NECAB1: variants seen among roughly 807,000 people sequenced by gnomAD.
NECAB1 encodes the protein N-terminal EF-hand calcium-binding protein 1.
NECAB1 carries 29 observed loss-of-function variants against 57.5 expected under a neutral mutation model. The ratio of observed to expected loss-of-function variants is 0.50; its 90% CI spans 0.38 to 0.69. NECAB1 has a LOEUF of 0.69. NECAB1 is among the 30% of genes least tolerant of loss of function. The pLI, the probability that NECAB1 is intolerant of heterozygous loss-of-function variation, is 0.00. For missense variants in NECAB1, 372 were observed against 413.8 expected (o/e 0.90, Z 0.88); for synonymous variants, 142 against 147.7 (o/e 0.96, Z 0.28).
chr8:90,901,151 A>G (rs1309515978), intron 5 of NECAB1, among the ~76,000 whole-genome samples: 1 of 152,058 alleles, frequency 6.6e-6, no homozygotes, highest in African/African-American at 2.4e-5. Flanking sequence ...ATTCCAGCAT[A>G]GGCTTTGATA....
intron 12 of NECAB1, among the ~76,000 whole-genome samples, chr8:90,953,151 T>A (rs116667119): frequency 1.1e-3 from 169 of 152,294 alleles, no homozygotes; most frequent in Middle Eastern, 6.8e-3. Flanking sequence ...ATTAGTGTCT[T>A]GAGTCTTTCC....
intron 1 of NECAB1, among the ~76,000 whole-genome samples, chr8:90,794,165 T>C (rs1005258581): frequency 2.6e-5 from 4 of 152,332 alleles, no homozygotes; most frequent in East Asian, 1.9e-4. Flanking sequence ...ACACTTTTCT[T>C]TGAGTTATTT....
At chr8:90,801,647 T>A in intron 1 of NECAB1, 44 bp from the exon 2 acceptor site, 1 of 1,341,890 alleles carries the variant, frequency 7.5e-7, no homozygotes, top group Non-Finnish European at 1.0e-6. Context: ...CGTTGCAATA[T>A]TTATCTAAAA....
intron 10 of NECAB1, among the ~76,000 whole-genome samples, chr8:90,942,568 C>T (rs562992327): frequency 1.6e-4 from 25 of 152,290 alleles, no homozygotes; most frequent in African/African-American, 6.0e-4. Flanking sequence ...TTTAAGAGCC[C>T]ACTCATTTGA....
chr8:90,956,464 TTTTCGA>T lies in NECAB1; in HGVS notation c.*953_*958del. ...GAAAGTATTAGACAGAAGACATCTG[TTTTCGA>T]ATTTCAACACTAGAATGACTAAAAC... On this transcript the variant is annotated 3_prime_UTR_variant, in exon 13 of 13. Coordinates refer to ENST00000417640, the MANE Select transcript of NECAB1 (RefSeq NM_022351.5). 6.6e-6 allele frequency: 1 copy of T among 151,904 alleles called. No homozygotes were observed. The highest frequency in any genetic ancestry group is 6.6e-5 in the Admixed American group (1 of 15,234). 9.4% of individuals were successfully genotyped at this position (151,904 alleles called of 1,614,324 possible).
intron 3 of NECAB1, among the ~76,000 whole-genome samples, chr8:90,856,768 CCAGAGTGCTGACAAAGTG>C (rs1318224127): frequency 6.6e-6 from 1 of 152,168 alleles, no homozygotes; most frequent in African/African-American, 2.4e-5. Context: ...ATACTTTGAC[CCAGAGTGCTGACAAAGTG>C]CAGCACTTGC....
At chr8:90,792,124 G>A in intron 1 of NECAB1, 139 bp downstream of exon 1, 2 of 673,852 alleles carry the variant, frequency 3.0e-6, no homozygotes, top group South Asian at 3.8e-5. Flanking sequence ...GCAAATGCAG[G>A]AGGAACGACT....
intron 4 of NECAB1, among the ~76,000 whole-genome samples, chr8:90,876,332 G>A (rs1022711513): frequency 6.6e-6 from 1 of 152,032 alleles, no homozygotes; most frequent in Admixed American, 6.5e-5. Flanking sequence ...CACATTTCTA[G>A]ATCTGACTGA....
At chr8:90,934,734 T>C (rs749821843) in intron 9 of NECAB1, among the ~76,000 whole-genome samples, 2 of 152,152 alleles carry the variant, frequency 1.3e-5, no homozygotes, top group Non-Finnish European at 2.9e-5. Flanking sequence ...TTCTGTTCAT[T>C]ATTATATTTC....
chr8:90,827,675 A>G (rs1433598060), intron 3 of NECAB1, among the ~76,000 whole-genome samples: 1 of 152,004 alleles, frequency 6.6e-6, no homozygotes, highest in Non-Finnish European at 1.5e-5. Context: ...TAATAAGAAC[A>G]TATCTGGCTA....
intron 6 of NECAB1, among the ~76,000 whole-genome samples, chr8:90,924,873 T>C (rs183441523): frequency 4.4e-4 from 67 of 152,126 alleles, no homozygotes; most frequent in African/African-American, 1.5e-3. Flanking sequence ...ATTAAAGACA[T>C]AGCAATTTAA....
chr8:90,907,669 T>C (rs1232598481), intron 5 of NECAB1, among the ~76,000 whole-genome samples: 3 of 152,320 alleles, frequency 2.0e-5, no homozygotes, highest in Non-Finnish European at 4.4e-5. Context: ...TTGTGGTGTA[T>C]AAAATACCAA....
chr8:90,880,930 CATTTT>C, intron 4 of NECAB1, 98 bp from the exon 5 acceptor site: 1 of 763,710 alleles, frequency 1.3e-6, no homozygotes, highest in Non-Finnish European at 2.2e-6. Context: ...TTATAGCTGA[CATTTT>C]GTTTTACTCA....
chr8:90,869,611 ACCTGTAGC>A (rs1188893198), intron 3 of NECAB1, among the ~76,000 whole-genome samples: 1 of 152,186 alleles, frequency 6.6e-6, no homozygotes, highest in Non-Finnish European at 1.5e-5. Flanking sequence ...CTTGCGTGGG[ACCTGTAGC>A]CCTTTTTGTG....
rs565429327 is a variant in NECAB1, at chr8:90,889,577, A to T, written c.357+8447A>T. ...ATTCCTATTCAGAGATTATCATGAG[A>T]TTGTAGTCATTTTAAGGTCCTTGAG... On this transcript the variant is annotated intron_variant, in intron 5 of 12. Coordinates refer to ENST00000417640, the MANE Select transcript of NECAB1 (RefSeq NM_022351.5). 2.6e-5 allele frequency among the ~76,000 whole-genome samples: 4 copies of T among 152,258 alleles called. No individual in the cohort carries two copies. In the South Asian group the frequency reaches 8.3e-4, roughly 32 times the overall value.
At chr8:90,943,926 AAATTTTTTAC>A (rs1810735786) in intron 10 of NECAB1, among the ~76,000 whole-genome samples, 8 of 151,948 alleles carry the variant, frequency 5.3e-5, no homozygotes, top group African/African-American at 1.7e-4. Context: ...TACTTTTTAA[AAATTTTTTAC>A]AGACGGGGTT....
At chr8:90,912,021 T>C (rs1047375471) in intron 5 of NECAB1, among the ~76,000 whole-genome samples, 3 of 152,184 alleles carry the variant, frequency 2.0e-5, no homozygotes, top group Non-Finnish European at 4.4e-5. Context: ...TCAAGTGGCA[T>C]AAACACAGAA....
At chr8:90,848,837 A>G (rs1812622815) in intron 3 of NECAB1, among the ~76,000 whole-genome samples, 1 of 152,024 alleles carries the variant, frequency 6.6e-6, no homozygotes, top group African/African-American at 2.4e-5. Context: ...CAAATACAAA[A>G]ATAAGCTGGG....
At chr8:90,886,358 T>C (rs914199947) in intron 5 of NECAB1, among the ~76,000 whole-genome samples, 3 of 152,298 alleles carry the variant, frequency 2.0e-5, no homozygotes, top group African/African-American at 7.2e-5. Flanking sequence ...GTTTACTATC[T>C]GCTAAATACT....
Sources: allele counts gnomAD v4.1 joint callset (sites outside exome capture counted in the v4.1 genomes callset), GRCh38; gene constraint gnomAD v4.1.1; transcripts MANE v1.5; gene names NCBI Gene and HGNC (gene_info 2026-07-23, HGNC 2026-07-21).